Variants in ELF1 observed in about 807,000 individuals in gnomAD.
The protein encoded by ELF1 is ETS-related transcription factor Elf-1.
In ELF1, 24 loss-of-function variants were observed where a neutral mutation model predicts 59.9. That is an observed-to-expected ratio of 0.40 (90% CI 0.29 to 0.56). The LOEUF (loss-of-function observed/expected upper bound fraction) is 0.56. Among genes scored for constraint, ELF1 ranks in the 20% least tolerant of loss-of-function variants. The pLI, the probability that ELF1 is intolerant of heterozygous loss-of-function variation, is 0.44. For synonymous variants in ELF1, 248 were observed against 266.2 expected, an observed-to-expected ratio of 0.93 and a Z score of 0.67; for missense variants, 627 against 742.2, an observed-to-expected ratio of 0.84 and a Z score of 1.80.
At chr13:41,061,008 A>G (rs561382134) in exon 1 of ELF1, 2 of 222,732 alleles carry the variant, frequency 9.0e-6, no homozygotes, top group African/African-American at 2.4e-5. Flanking sequence ...TGGGCGTCGT[A>G]GGGGAGAGGA....
intron 1 of ELF1, among the ~76,000 whole-genome samples, chr13:40,985,257 A>G (rs889078640): frequency 2.6e-5 from 4 of 152,184 alleles, no homozygotes; most frequent in Admixed American, 6.5e-5. Flanking sequence ...CTGATACCTG[A>G]TCCAGAGGGA....
chr13:41,030,717 C>T (rs1876124504), intron 1 of ELF1, among the ~76,000 whole-genome samples: 1 of 151,688 alleles, frequency 6.6e-6, no homozygotes, highest in African/African-American at 2.4e-5. Context: ...TGCCACTTTA[C>T]TCCAGCCTGG....
At chr13:40,953,365 G>T (rs904452475) in intron 3 of ELF1, among the ~76,000 whole-genome samples, 3 of 152,180 alleles carry the variant, frequency 2.0e-5, no homozygotes, top group Admixed American at 2.0e-4. Flanking sequence ...ACCTCAGAAT[G>T]TCTTTAAAGA....
chr13:40,994,068 T>G lies in ELF1; in HGVS notation c.-228-11786A>C, dbSNP rs530086416. 2.6e-5 allele frequency among the ~76,000 whole-genome samples: 4 copies of G among 152,080 alleles called. No individual in the cohort carries two copies. In the East Asian group the frequency reaches 7.7e-4, roughly 29 times the overall value. Reference sequence around the variant, plus strand: ...GACTGACTTTTCTATGTGTTTGCCTTTTTGCTGACAACCAGGTGAAAAGTT... The same window carrying G: ...GACTGACTTTTCTATGTGTTTGCCTGTTTGCTGACAACCAGGTGAAAAGTT... On this transcript the variant is annotated intron_variant, in intron 1 of 8. Coordinates refer to ENST00000239882, the MANE Select transcript of ELF1 (RefSeq NM_172373.4).
chr13:41,052,132 G>C (rs1166481500), intron 1 of ELF1, among the ~76,000 whole-genome samples: 1 of 151,920 alleles, frequency 6.6e-6, no homozygotes, highest in Non-Finnish European at 1.5e-5. Context: ...TAGAGACGAG[G>C]TTTCATCACA....
chr13:41,018,435 C>A (rs1875547137), intron 1 of ELF1, among the ~76,000 whole-genome samples: 1 of 152,078 alleles, frequency 6.6e-6, no homozygotes. Flanking sequence ...TCTTTTTACA[C>A]AAAATTGAAA....
chr13:40,957,822 C>A (rs555667370), intron 3 of ELF1, among the ~76,000 whole-genome samples: 6 of 152,324 alleles, frequency 3.9e-5, no homozygotes, highest in Admixed American at 1.3e-4. Flanking sequence ...CTCTCCCCCA[C>A]CAGATGGATA....
intron 1 of ELF1, among the ~76,000 whole-genome samples, chr13:40,995,677 G>T (rs1479955548): frequency 7.4e-6 from 1 of 135,032 alleles, no homozygotes; most frequent in Admixed American, 7.2e-5. Context: ...AAAAAAAAAA[G>T]AATCTAGACA....
At chr13:40,968,082 C>T (rs761812230) in intron 2 of ELF1, among the ~76,000 whole-genome samples, 1 of 152,158 alleles carries the variant, frequency 6.6e-6, no homozygotes, top group Non-Finnish European at 1.5e-5. Context: ...AATGTTGATA[C>T]ATATGTGTGT....
intron 1 of ELF1, among the ~76,000 whole-genome samples, chr13:40,983,951 T>C (rs1387579745): frequency 6.6e-6 from 1 of 152,154 alleles, no homozygotes; most frequent in Non-Finnish European, 1.5e-5. Flanking sequence ...GCCCCATTTA[T>C]TTCACAAAGC....
chr13:41,022,632 G>C (rs927257701), upstream of ELF1, among the ~76,000 whole-genome samples: 19 of 152,208 alleles, frequency 1.2e-4, no homozygotes, highest in Non-Finnish European at 2.2e-4. Context: ...TGTAATCCCA[G>C]CACTTTGGGA....
intron 1 of ELF1, among the ~76,000 whole-genome samples, chr13:41,057,680 G>GT (rs1271297256): frequency 6.6e-6 from 1 of 152,140 alleles, no homozygotes; most frequent in Non-Finnish European, 1.5e-5. Context: ...CCTCTTTCAT[G>GT]TATCTTCTAA....
chr13:40,942,006 G>T (rs539017322), intron 7 of ELF1, among the ~76,000 whole-genome samples: 77 of 152,236 alleles, frequency 5.1e-4, no homozygotes, highest in Non-Finnish European at 6.0e-4. Flanking sequence ...AAAGCCTCAA[G>T]AAATTGTTTC....
chr13:41,060,951 G>T, exon 1 of ELF1: 1 of 353,542 alleles, frequency 2.8e-6, no homozygotes, highest in South Asian at 2.2e-5. Context: ...CGCCGCTGCT[G>T]CTGCCCACAC....
At chr13:40,974,096 T>C (rs577806454) in intron 2 of ELF1, among the ~76,000 whole-genome samples, 1 of 152,280 alleles carries the variant, frequency 6.6e-6, no homozygotes, top group Admixed American at 6.5e-5. Flanking sequence ...AAATTGATTA[T>C]GGAGACAGAC....
chr13:41,001,866 C>T (rs9525440), intron 1 of ELF1, among the ~76,000 whole-genome samples: 150,064 of 152,126 alleles, frequency 0.99, 74,038 homozygotes, highest in East Asian at 1. Context: ...CAAGACCTTG[C>T]TTCAAAGAAA....
chr13:41,051,098 T>C (rs1877069703), intron 1 of ELF1, among the ~76,000 whole-genome samples: 1 of 152,122 alleles, frequency 6.6e-6, no homozygotes, highest in Admixed American at 6.5e-5. Flanking sequence ...TCTAAAAATA[T>C]GTTTCATAAA....
chr13:41,025,171 G>GC (rs146990131), intron 1 of ELF1, among the ~76,000 whole-genome samples: 1,893 of 152,136 alleles, frequency 0.012, 42 homozygotes, highest in African/African-American at 0.043. Context: ...TCACTCCCTA[G>GC]CCCCTGACAG....
At chr13:41,060,581 C>G (rs1877505078) in intron 1 of ELF1, among the ~76,000 whole-genome samples, 1 of 152,096 alleles carries the variant, frequency 6.6e-6, no homozygotes, top group African/African-American at 2.4e-5. Context: ...CTCGAGGCTC[C>G]AAAAGCCGCA....
Sources: allele counts gnomAD v4.1 joint callset (sites outside exome capture counted in the v4.1 genomes callset), GRCh38; gene constraint gnomAD v4.1.1; transcripts MANE v1.5; gene names NCBI Gene and HGNC (gene_info 2026-07-23, HGNC 2026-07-21).